CSTF1: variants seen among roughly 807,000 people sequenced by gnomAD.
CSTF1 encodes the protein CF-1 50 kDa subunit.
A neutral mutation model predicts 40.9 loss-of-function variants in CSTF1; 2 were observed. The ratio of observed to expected loss-of-function variants is 0.05; its 90% CI spans 0.02 to 0.15. The LOEUF is 0.15. CSTF1 is among the 10% of genes least tolerant of loss of function. The probability of loss-of-function intolerance (pLI) is 1.00; values close to 1 mark genes in which losing one functional copy is unlikely to be tolerated. For missense variants in CSTF1, 279 were observed against 558.9 expected (o/e 0.50, Z 5.05); for synonymous variants, 218 against 207.2 (o/e 1.05, Z -0.45).
In CSTF1 at chr20:56,403,846, A is replaced by G. The variant is rs1321242770; in HGVS notation, c.*119A>G. ...ACGTTTTGCTGCCACCTCTGTCCAC[A>G]TTCTTCTTGGATTTGTATAAAAGAA... is the stretch of plus-strand genomic sequence containing the variant. On this transcript the variant is annotated 3_prime_UTR_variant, in exon 6 of 6. Transcript: ENST00000217109. 4 of 999,828 alleles carry G rather than the reference A, an allele frequency of 4.0e-6. No homozygotes were observed. The East Asian group carries it at 7.2e-5, about 18-fold the overall frequency. The allele number at this position is 999,828 out of a possible 1,614,324, so 61.9% of individuals were successfully genotyped here. A position where few individuals can be genotyped will look rare whatever the true frequency, so the allele number is the denominator to read the frequency against.
chr20:56,402,891 C>T (rs945031632), intron 5 of CSTF1, among the ~76,000 whole-genome samples: 3 of 150,032 alleles, frequency 2.0e-5, no homozygotes, highest in Non-Finnish European at 4.4e-5. Context: ...GCCGAGATCA[C>T]GCCACTGCAC....
chr20:56,393,985 A>C (rs927165977), intron 1 of CSTF1, among the ~76,000 whole-genome samples: 1 of 152,154 alleles, frequency 6.6e-6, no homozygotes. Context: ...GGTTAAGCTC[A>C]GGGATCTGGA....
chr20:56,397,295 T>A lies in CSTF1; in HGVS notation c.258T>A (p.Asp86Glu). The A allele has an allele frequency of 6.2e-7, 1 of 1,614,220 alleles. No individual in the cohort carries two copies. The highest frequency in any genetic ancestry group is 8.5e-7 in the Non-Finnish European group (1 of 1,180,034). ...GCACAGGGATTGACCTGGAATTTGA[T>A]GCAGATGTTCAGACTATGTCCCCAG... Reference protein sequence around the residue: ...APGTGIDLEFDADVQTMSPEA... With the variant: ...APGTGIDLEFEADVQTMSPEA... Residue 86 changes from aspartate (D) to glutamate (E), a missense_variant, in exon 3 of 6, where the codon GAT (aspartate) becomes GAA (glutamate). Around this residue, in one of 4 missense-constraint regions of CSTF1, gnomAD observed 66 missense variants for 148.0 expected, o/e 0.45. Coordinates refer to ENST00000217109, the MANE Select transcript of CSTF1 (RefSeq NM_001324.3). This position sits in a 1 kb window ranked among gnomAD's most constrained non-coding sequence, Gnocchi z 4.4.
intron 2 of CSTF1, among the ~76,000 whole-genome samples, chr20:56,396,597 G>A (rs974525586): frequency 3.3e-5 from 5 of 151,954 alleles, no homozygotes; most frequent in African/African-American, 1.2e-4. Context: ...AATTTATACC[G>A]ATACGTTAAC....
chr20:56,403,625 T>C lies in CSTF1; in HGVS notation c.1194T>C (p.Asn398=). The C allele has an allele frequency of 6.2e-7, 1 of 1,614,026 alleles. No homozygotes were observed. Among genetic ancestry groups the C allele is most frequent in the East Asian group, 2.2e-5 (1 of 44,870 alleles). ...ACCTGCTGTCGTTGGGGCACAACAATATTGTACGCTGCATAGTGCACTCCC... is the reference window on the plus strand; with the variant it reads ...ACCTGCTGTCGTTGGGGCACAACAACATTGTACGCTGCATAGTGCACTCCC... ...RRNLLSLGHN[N]IVRCIVHSPT... Residue 398 remains asparagine, a synonymous_variant, in exon 6 of 6, where the codon AAT becomes AAC. Transcript: ENST00000217109.
In CSTF1 at chr20:56,397,862, G is replaced by A. The variant is rs1391766469; in HGVS notation, c.645+21G>A. 10 of 1,566,158 alleles carry A rather than the reference G, an allele frequency of 6.4e-6. No homozygotes were observed. The highest frequency in any genetic ancestry group is 1.7e-5 in the Admixed American group (1 of 58,116). On this transcript the variant is annotated intron_variant, in intron 4 of 5. Transcript: ENST00000217109. This position sits in a 1 kb window ranked among gnomAD's most constrained non-coding sequence, Gnocchi z 4.4. ...TTCAGGTAGGAATCTTTAGAAAGGAGCTTTACATTTTTTCTTAAATACAAT... is the reference window on the plus strand; with the variant it reads ...TTCAGGTAGGAATCTTTAGAAAGGAACTTTACATTTTTTCTTAAATACAAT...
Position 56,404,260 on chromosome 20 carries a change from ATTG to A in CSTF1, c.*536_*538del, listed in dbSNP as rs1481575620. On this transcript the variant is annotated 3_prime_UTR_variant, in exon 6 of 6. Coordinates refer to ENST00000217109, the MANE Select transcript of CSTF1 (RefSeq NM_001324.3). ...TAATAAAGCTCAGATCTGCAACTTTATTGTTATATATTTTTCACTTCTGTAAAA... is the reference window on the plus strand; with the variant it reads ...TAATAAAGCTCAGATCTGCAACTTTATTATATATTTTTCACTTCTGTAAAA... The A allele has an allele frequency of 6.6e-6, 1 of 152,448 alleles. No homozygotes were observed. Among genetic ancestry groups the A allele is most frequent in the African/African-American group, 2.4e-5 (1 of 41,416 alleles). 9.4% of individuals were successfully genotyped at this position (152,448 alleles called of 1,614,324 possible).
In CSTF1 at chr20:56,403,807, G is replaced by T. The variant is rs938131571; in HGVS notation, c.*80G>T. The T allele has an allele frequency of 3.5e-6, 5 of 1,430,986 alleles. No individual in the cohort carries two copies. The highest frequency in any genetic ancestry group is 4.8e-6 in the Non-Finnish European group (5 of 1,045,286). 88.6% of individuals were successfully genotyped at this position (1,430,986 alleles called of 1,614,324 possible). A position where few individuals can be genotyped will look rare whatever the true frequency, so the allele number is the denominator to read the frequency against. On this transcript the variant is annotated 3_prime_UTR_variant, in exon 6 of 6. Coordinates refer to ENST00000217109, the MANE Select transcript of CSTF1 (RefSeq NM_001324.3). Reference sequence around the variant, plus strand: ...CTGTCTCAGCTGCAGTCGTAAGTCCGTGCACCATCCTTGACGTTTTGCTGC... The same window carrying T: ...CTGTCTCAGCTGCAGTCGTAAGTCCTTGCACCATCCTTGACGTTTTGCTGC...
chr20:56,397,608 A>G lies in CSTF1; in HGVS notation c.448-36A>G. Reference sequence around the variant, plus strand: ...GGATTGTGCACTTGGATTCAGACACATTCTGTGCCTTGAGCATCTCTTCTT... The same window carrying G: ...GGATTGTGCACTTGGATTCAGACACGTTCTGTGCCTTGAGCATCTCTTCTT... On this transcript the variant is annotated intron_variant, in intron 3 of 5. Coordinates refer to ENST00000217109, the MANE Select transcript of CSTF1 (RefSeq NM_001324.3). The surrounding 1 kb of genome is among the most constrained non-coding windows in gnomAD (Gnocchi z 4.4). 6.2e-7 allele frequency: 1 copy of G among 1,608,358 alleles called. No individual in the cohort carries two copies. Among genetic ancestry groups the G allele is most frequent in the Non-Finnish European group, 8.5e-7 (1 of 1,174,824 alleles).
rs1600733776 is a variant in CSTF1, at chr20:56,403,873, C to T, written c.*146C>T. 1 of 806,836 alleles carries T rather than the reference C, an allele frequency of 1.2e-6. No individual in the cohort carries two copies. The highest frequency in any genetic ancestry group is 1.7e-5 in the African/African-American group (1 of 58,274). 50.0% of individuals were successfully genotyped at this position (806,836 alleles called of 1,614,324 possible). On this transcript the variant is annotated 3_prime_UTR_variant, in exon 6 of 6. Coordinates refer to ENST00000217109, the MANE Select transcript of CSTF1 (RefSeq NM_001324.3). ...TCTTCTTGGATTTGTATAAAAGAAT[C>T]TTTTTTTACCTTGATGTAGAATCAT...
At chr20:56,396,316 C>T (rs974558278) in intron 2 of CSTF1, among the ~76,000 whole-genome samples, 2 of 152,146 alleles carry the variant, frequency 1.3e-5, no homozygotes, top group African/African-American at 4.8e-5. Context: ...ATGTTAATAC[C>T]CTTTGACTTG....
At position 56,397,993 on chromosome 20, in the gene CSTF1, T is replaced by C; in HGVS notation, c.645+152T>C. 1.5e-6 allele frequency: 1 copy of C among 658,950 alleles called. No individual in the cohort carries two copies. The allele number at this position is 658,950 out of a possible 1,614,324, so 40.8% of individuals were successfully genotyped here. ...CCGATGGCACATGGATCAGATTTTGTTGGCACATAGATCACATGCTATCAT... is the reference window on the plus strand; with the variant it reads ...CCGATGGCACATGGATCAGATTTTGCTGGCACATAGATCACATGCTATCAT... On this transcript the variant is annotated intron_variant, in intron 4 of 5. Coordinates refer to ENST00000217109, the MANE Select transcript of CSTF1 (RefSeq NM_001324.3). The surrounding 1 kb of genome is among the most constrained non-coding windows in gnomAD (Gnocchi z 4.4).
At position 56,403,909 on chromosome 20, in the gene CSTF1, G is replaced by C; in HGVS notation, c.*182G>C. 1.6e-6 allele frequency: 1 copy of C among 640,438 alleles called. No individual in the cohort carries two copies. The highest frequency in any genetic ancestry group is 2.7e-6 in the Non-Finnish European group (1 of 377,122). 39.7% of individuals were successfully genotyped at this position (640,438 alleles called of 1,614,324 possible). On this transcript the variant is annotated 3_prime_UTR_variant, in exon 6 of 6. Transcript: ENST00000217109. ...TTGATGTAGAATCATGGTGGAAAAA[G>C]TTGGAAACACAGATCTGTGCAGTTC... is the stretch of plus-strand genomic sequence containing the variant.
chr20:56,397,869 A>G lies in CSTF1; in HGVS notation c.645+28A>G, dbSNP rs1236683803. ...AGGAATCTTTAGAAAGGAGCTTTAC[A>G]TTTTTTCTTAAATACAATGAGCTAT... On this transcript the variant is annotated intron_variant, in intron 4 of 5. Coordinates refer to ENST00000217109, the MANE Select transcript of CSTF1 (RefSeq NM_001324.3). This position sits in a 1 kb window ranked among gnomAD's most constrained non-coding sequence, Gnocchi z 4.4. 1 of 1,533,064 alleles carries G rather than the reference A, an allele frequency of 6.5e-7. No individual in the cohort carries two copies. The highest frequency in any genetic ancestry group is 1.7e-5 in the Admixed American group (1 of 57,968). The allele number at this position is 1,533,064 out of a possible 1,614,324, so 95.0% of individuals were successfully genotyped here. A position where few individuals can be genotyped will look rare whatever the true frequency, so the allele number is the denominator to read the frequency against.
Position 56,395,693 on chromosome 20 carries a change from G to A in CSTF1, c.141G>A (p.Ser47=), listed in dbSNP as rs201643919. The A allele has an allele frequency of 3.7e-6, 6 of 1,613,994 alleles. No homozygotes were observed. In the Admixed American group the frequency reaches 8.3e-5, roughly 22 times the overall value. The change falls in exon 2 of 6, where the codon TCG becomes TCA. Residue 47 remains serine (S), a synonymous_variant. Transcript: ENST00000217109. ...AGCCTCAGTCTGTGTGTGCACCCTC[G>A]GAGCAGCTCCTGCATCTCATCAAAC... ...EIKPQSVCAP[S]EQLLHLIKLG... is the part of the protein sequence containing the mutation.
At chr20:56,401,102 A>G (rs1273855494) in intron 5 of CSTF1, among the ~76,000 whole-genome samples, 1 of 152,182 alleles carries the variant, frequency 6.6e-6, no homozygotes, top group Non-Finnish European at 1.5e-5. Context: ...GAAAAAGGAA[A>G]AACTATCAAA....
At position 56,399,305 on chromosome 20, in the gene CSTF1, T is replaced by G. The variant is rs150127192; in HGVS notation, c.984T>G (p.Ser328=). The change falls in exon 5 of 6, where the codon TCT becomes TCG. Residue 328 remains serine, a synonymous_variant. Transcript: ENST00000217109. This position sits in a 1 kb window ranked among gnomAD's most constrained non-coding sequence, Gnocchi z 4.6. ...ACATTCTCTCAAGTGGAAAAGACTC[T>G]GTAGCTAAACTTTGGGAAATATCAA... The part of the protein sequence containing the change: ...SKYILSSGKD[S]VAKLWEISTG... 6.2e-7 allele frequency: 1 copy of G among 1,613,992 alleles called. No homozygotes were observed. Among genetic ancestry groups the G allele is most frequent in the East Asian group, 2.2e-5 (1 of 44,882 alleles).
intron 5 of CSTF1, among the ~76,000 whole-genome samples, chr20:56,403,250 A>T (rs1236295967): frequency 6.6e-6 from 1 of 151,862 alleles, no homozygotes; most frequent in Non-Finnish European, 1.5e-5. Context: ...TCCTGGGCTC[A>T]AGCAGCCCTC....
chr20:56,403,358 C>A, intron 5 of CSTF1, 110 bp from the exon 6 acceptor site: 1 of 1,263,204 alleles, frequency 7.9e-7, no homozygotes, highest in Non-Finnish European at 1.1e-6. Flanking sequence ...TGAAAGTGTA[C>A]AAGGTGTATC....
Sources: allele counts gnomAD v4.1 joint callset (sites outside exome capture counted in the v4.1 genomes callset), GRCh38; gene constraint gnomAD v4.1.1; regional missense constraint gnomAD v4.1.1; non-coding constraint Gnocchi (gnomAD v3.1); transcripts MANE v1.5; gene names NCBI Gene and HGNC (gene_info 2026-07-23, HGNC 2026-07-21).